Variants in TULP3 observed in about 807,000 individuals in gnomAD.
The protein encoded by TULP3 is TUB like protein 3, also known as tubby-related protein 3.
Under a neutral mutation model 50.7 loss-of-function variants are expected in TULP3, and 38 were observed. The ratio of observed to expected loss-of-function variants is 0.75; its 90% CI spans 0.58 to 0.98. The LOEUF (loss-of-function observed/expected upper bound fraction) is 0.98. TULP3 is among the 50% of genes least tolerant of loss of function. The pLI is 0.00. For missense variants in TULP3, 550 were observed against 568.0 expected (o/e 0.97, Z 0.32); for synonymous variants, 183 against 196.6 (o/e 0.93, Z 0.58).
chr12:2,908,251 C>T (rs1447010115), intron 1 of TULP3, among the ~76,000 whole-genome samples: 1 of 152,162 alleles, frequency 6.6e-6, no homozygotes, highest in Non-Finnish European at 1.5e-5. Flanking sequence ...TCTTAAATAG[C>T]ACCTTGTAGT....
intron 1 of TULP3, among the ~76,000 whole-genome samples, chr12:2,902,843 G>A (rs2098180014): frequency 1.3e-5 from 2 of 150,948 alleles, no homozygotes; most frequent in African/African-American, 4.9e-5. Context: ...TAATTTAGGT[G>A]CTAGATTAAA....
intron 3 of TULP3, among the ~76,000 whole-genome samples, chr12:2,921,546 G>A (rs2098191770): frequency 6.6e-6 from 1 of 152,164 alleles, no homozygotes; most frequent in Admixed American, 6.6e-5. Flanking sequence ...GCCGGGAATA[G>A]GTAGAGAGCG....
At chr12:2,893,728 T>C (rs567511543) in intron 1 of TULP3, among the ~76,000 whole-genome samples, 2 of 149,652 alleles carry the variant, frequency 1.3e-5, no homozygotes, top group Middle Eastern at 3.4e-3. Flanking sequence ...TTTTTTTTTT[T>C]CTTGGAATTA....
At chr12:2,907,814 A>T (rs1398433906) in intron 1 of TULP3, among the ~76,000 whole-genome samples, 1 of 152,186 alleles carries the variant, frequency 6.6e-6, no homozygotes, top group African/African-American at 2.4e-5. Context: ...TTAAAGAAAC[A>T]TAGGAACATA....
intron 1 of TULP3, among the ~76,000 whole-genome samples, chr12:2,901,077 C>T (rs914435046): frequency 2.0e-5 from 3 of 151,766 alleles, no homozygotes; most frequent in African/African-American, 7.3e-5. Context: ...GCTTATTACC[C>T]ATTCGGAAAA....
At chr12:2,895,205 T>C (rs2098174789) in intron 1 of TULP3, among the ~76,000 whole-genome samples, 1 of 152,336 alleles carries the variant, frequency 6.6e-6, no homozygotes, top group African/African-American at 2.4e-5. Flanking sequence ...TTTGGGGCTA[T>C]GGGAATGCTC....
intron 1 of TULP3, among the ~76,000 whole-genome samples, chr12:2,893,161 C>A (rs2098173206): frequency 2.0e-5 from 3 of 152,000 alleles, no homozygotes; most frequent in Admixed American, 2.0e-4. Context: ...CTGCACTTGG[C>A]CCTAAATTGT....
At chr12:2,907,355 G>T (rs1223209086) in intron 1 of TULP3, among the ~76,000 whole-genome samples, 1 of 151,476 alleles carries the variant, frequency 6.6e-6, no homozygotes, top group Non-Finnish European at 1.5e-5. Flanking sequence ...TGCACCTATA[G>T]TCCCAGGTAC....
chr12:2,909,552 AG>A lies in TULP3; in HGVS notation c.66del (p.Met23CysfsTer50). 1.9e-6 allele frequency: 3 copies of A among 1,576,272 alleles called. No homozygotes were observed. The highest frequency in any genetic ancestry group is 2.6e-6 in the Non-Finnish European group (3 of 1,169,434). ...AGTGTCTTCCATGAAGAAATGATGAAGATGCGACAGGCTAAGCTGGATTATC... is the reference window on the plus strand; with the variant it reads ...AGTGTCTTCCATGAAGAAATGATGAAATGCGACAGGCTAAGCTGGATTATC... ...GDSVFHEEMM[K>X]MRQAKLDYQR... On this transcript the variant is annotated frameshift_variant, in exon 2 of 11. Transcript: ENST00000448120. LOFTEE classifies it high-confidence loss of function.
In TULP3 at chr12:2,939,212, CAG is replaced by C; in HGVS notation, c.1196-96_1196-95del. ...TTCCACTAGGCTCCAGCCAGGGCGA[CAG>C]AGCAAAACCCCATCTAAGAAAAGGA... On this transcript the variant is annotated intron_variant, in intron 10 of 10. Coordinates refer to ENST00000448120, the MANE Select transcript of TULP3 (RefSeq NM_003324.5). The surrounding 1 kb of genome is among the most constrained non-coding windows in gnomAD (Gnocchi z 4.0). 4 of 1,375,666 alleles carry C rather than the reference CAG, an allele frequency of 2.9e-6. No homozygotes were observed. The South Asian group carries it at 5.2e-5, about 18-fold the overall frequency. The allele number at this position is 1,375,666 out of a possible 1,614,324, so 85.2% of individuals were successfully genotyped here.
intron 1 of TULP3, among the ~76,000 whole-genome samples, chr12:2,897,882 C>A (rs2098176467): frequency 6.6e-6 from 1 of 151,416 alleles, no homozygotes; most frequent in Non-Finnish European, 1.5e-5. Context: ...AGTTAGAGAC[C>A]AGCCTGGGCA....
chr12:2,905,624 T>A (rs1272505156), intron 1 of TULP3, among the ~76,000 whole-genome samples: 1 of 152,196 alleles, frequency 6.6e-6, no homozygotes, highest in Non-Finnish European at 1.5e-5. Flanking sequence ...TAACATGTAT[T>A]TATTGTCTCT....
In TULP3 at chr12:2,931,059, C is replaced by T; in HGVS notation, c.515C>T (p.Ala172Val). Residue 172 changes from alanine (A) to valine (V), a missense_variant, in exon 6 of 11, where the codon GCT becomes GTT. Physicochemically the swap from Ala to Val is moderately conservative, Grantham distance 64. Coordinates refer to ENST00000448120, the MANE Select transcript of TULP3 (RefSeq NM_003324.5). ...CAGGATACAGGCACTTCCGGTTCTG[C>T]TACTGCCGCCCAACCAGCTGATAAC... is the stretch of plus-strand genomic sequence containing the variant. ...NSTDTGTSGS[A>V]TAAQPADNLL... is the part of the protein sequence containing the mutation. 1 of 1,614,072 alleles carries T rather than the reference C, an allele frequency of 6.2e-7. No individual in the cohort carries two copies. The highest frequency in any genetic ancestry group is 2.2e-5 in the East Asian group (1 of 44,870).
chr12:2,924,949 G>A (rs1039172655), intron 4 of TULP3, among the ~76,000 whole-genome samples: 3 of 152,102 alleles, frequency 2.0e-5, no homozygotes, highest in Admixed American at 6.6e-5. Context: ...AGGCCGACAC[G>A]GGCGGATCAC....
At chr12:2,899,919 CA>C (rs796727543) in intron 1 of TULP3, among the ~76,000 whole-genome samples, 1 of 46,714 alleles carries the variant, frequency 2.1e-5, no homozygotes, top group Non-Finnish European at 4.1e-5. Context: ...AAAAAAAAAA[CA>C]AAAAAAACTT....
chr12:2,912,026 A>G (rs1359460943), intron 2 of TULP3, among the ~76,000 whole-genome samples: 1 of 151,980 alleles, frequency 6.6e-6, no homozygotes, highest in East Asian at 1.9e-4. Flanking sequence ...AGTGCTTAAG[A>G]AGGAAGTCAC....
intron 8 of TULP3, among the ~76,000 whole-genome samples, chr12:2,936,185 G>A (rs140322656): frequency 0.013 from 1,935 of 151,822 alleles, 36 homozygotes; most frequent in African/African-American, 0.042. Context: ...CAGGAGAATC[G>A]CTTGAACCCA....
At chr12:2,904,783 C>T (rs2098181225) in intron 1 of TULP3, among the ~76,000 whole-genome samples, 1 of 151,812 alleles carries the variant, frequency 6.6e-6, no homozygotes, top group Non-Finnish European at 1.5e-5. Context: ...TATTCAATAA[C>T]TAAGTTAAAA....
intron 4 of TULP3, among the ~76,000 whole-genome samples, chr12:2,929,311 C>A (rs1432952371): frequency 6.6e-6 from 1 of 151,362 alleles, no homozygotes; most frequent in Non-Finnish European, 1.5e-5. Flanking sequence ...AGCGAGACTC[C>A]GTCTCAAAAA....
Sources: gnomAD v4.1 joint callset for allele counts (sites outside exome capture counted in the v4.1 genomes callset) on GRCh38, gnomAD v4.1.1 for gene constraint, Gnocchi (gnomAD v3.1) non-coding constraint, MANE v1.5 for transcripts, NCBI Gene and HGNC (gene_info 2026-07-23, HGNC 2026-07-21) for gene names.